Variants in CCDC171 observed in about 807,000 individuals in gnomAD.
CCDC171 encodes the protein coiled-coil domain-containing protein 171.
A neutral mutation model predicts 168.2 loss-of-function variants in CCDC171; 177 were observed. That is an observed-to-expected ratio of 1.05 (90% CI 0.93 to 1.19). The LOEUF is 1.19. Among genes scored for constraint, CCDC171 ranks in the 50% most tolerant of loss-of-function variants. The probability of loss-of-function intolerance (pLI) is 0.00; values close to 1 mark genes in which losing one functional copy is unlikely to be tolerated. For missense variants in CCDC171, 1,991 were observed against 1,539.0 expected (o/e 1.29, Z -4.91); for synonymous variants, 687 against 540.8 (o/e 1.27, Z -3.75).
At chr9:15,635,150 A>G (rs954170742) in intron 7 of CCDC171, among the ~76,000 whole-genome samples, 2 of 152,166 alleles carry the variant, frequency 1.3e-5, no homozygotes, top group Non-Finnish European at 2.9e-5. Flanking sequence ...TTACACTATC[A>G]CAAGTTGAAG....
intron 2 of CCDC171, among the ~76,000 whole-genome samples, chr9:15,564,358 T>C (rs1048630297): frequency 5.3e-5 from 8 of 152,270 alleles, no homozygotes; most frequent in African/African-American, 1.9e-4. Flanking sequence ...CAAAAGTCTG[T>C]GTGTCTGAAC....
chr9:15,971,291 G>T (rs1831334099), intron 25 of CCDC171, among the ~76,000 whole-genome samples: 1 of 152,020 alleles, frequency 6.6e-6, no homozygotes, highest in African/African-American at 2.4e-5. Context: ...ATTGCCAATG[G>T]ACTGAAGTCA....
intron 11 of CCDC171, among the ~76,000 whole-genome samples, chr9:15,710,691 G>GC (rs1261210387): frequency 6.6e-6 from 1 of 152,038 alleles, no homozygotes; most frequent in Non-Finnish European, 1.5e-5. Flanking sequence ...CATCTCCCAG[G>GC]TTCAAGCGAT....
At chr9:15,876,210 A>G (rs1001090490) in intron 24 of CCDC171, 4 of 152,132 alleles carry the variant, frequency 2.6e-5, no homozygotes, top group Non-Finnish European at 5.9e-5. Context: ...CCAGGTTCTA[A>G]TAAAAATATT....
the CCDC171 span, among the ~76,000 whole-genome samples, chr9:16,070,252 C>T: frequency 2.0e-5 from 3 of 152,314 alleles, no homozygotes; most frequent in South Asian, 2.1e-4. Context: ...CACCCCCGGC[C>T]GGACTGGAAT....
chr9:15,837,702 A>G (rs1009590509), intron 21 of CCDC171, among the ~76,000 whole-genome samples: 1 of 152,220 alleles, frequency 6.6e-6, no homozygotes, highest in Non-Finnish European at 1.5e-5. Flanking sequence ...TTGTTTTAAC[A>G]ACTCTGTATT....
At chr9:15,951,505 A>G (rs1211048892) in intron 25 of CCDC171, among the ~76,000 whole-genome samples, 1 of 150,380 alleles carries the variant, frequency 6.6e-6, no homozygotes, top group Non-Finnish European at 1.5e-5. Context: ...TCCTGCCAAC[A>G]CTTGTGATTA....
chr9:15,741,896 C>T (rs892024485), intron 16 of CCDC171, among the ~76,000 whole-genome samples: 1 of 152,138 alleles, frequency 6.6e-6, no homozygotes, highest in Non-Finnish European at 1.5e-5. Context: ...TATTAAGATA[C>T]TGACTTTAGG....
chr9:15,787,319 T>C (rs957487197), intron 21 of CCDC171, among the ~76,000 whole-genome samples: 8 of 152,128 alleles, frequency 5.3e-5, no homozygotes, highest in African/African-American at 1.9e-4. Flanking sequence ...ATCACCAAAA[T>C]TTATTCTTTC....
chr9:16,056,089 C>A (rs112546956), intron 1 of CCDC171, among the ~76,000 whole-genome samples: 1 of 151,968 alleles, frequency 6.6e-6, no homozygotes, highest in Non-Finnish European at 1.5e-5. Context: ...GTAATCTAAA[C>A]GAAACAAAAC....
At chr9:16,095,552 C>A in the CCDC171 span, among the ~76,000 whole-genome samples, 1 of 152,028 alleles carries the variant, frequency 6.6e-6, no homozygotes, top group African/African-American at 2.4e-5. Flanking sequence ...TTCTCTCTCT[C>A]TCTCGCGCAC....
chr9:15,864,873 T>G (rs965395134), intron 23 of CCDC171, among the ~76,000 whole-genome samples: 1 of 152,056 alleles, frequency 6.6e-6, no homozygotes, highest in Non-Finnish European at 1.5e-5. Context: ...TCATGTTTGT[T>G]GTTGGATGAG....
At chr9:15,678,239 G>T (rs1161400941) in intron 9 of CCDC171, among the ~76,000 whole-genome samples, 1 of 151,834 alleles carries the variant, frequency 6.6e-6, no homozygotes, top group Non-Finnish European at 1.5e-5. Flanking sequence ...ATAGGAAGGC[G>T]AATCCTTTGA....
At chr9:15,696,827 C>G (rs970083857) in intron 11 of CCDC171, among the ~76,000 whole-genome samples, 1 of 152,142 alleles carries the variant, frequency 6.6e-6, no homozygotes, top group African/African-American at 2.4e-5. Flanking sequence ...CTTTTATTAA[C>G]CATCCTTTTT....
intron 11 of CCDC171, among the ~76,000 whole-genome samples, chr9:15,711,730 CATATTGA>C (rs2052682422): frequency 6.6e-6 from 1 of 152,146 alleles, no homozygotes; most frequent in Non-Finnish European, 1.5e-5. Context: ...AGTCGAGGAG[CATATTGA>C]ATGTGTATTG....
the CCDC171 span, among the ~76,000 whole-genome samples, chr9:16,103,389 G>A: frequency 6.6e-6 from 1 of 152,080 alleles, no homozygotes. Context: ...TTAACTTTCT[G>A]TGCTTTCCTC....
intron 21 of CCDC171, among the ~76,000 whole-genome samples, chr9:15,785,277 A>C (rs968443339): frequency 2.6e-5 from 4 of 152,168 alleles, no homozygotes; most frequent in Admixed American, 2.6e-4. Flanking sequence ...ATAGAATTCT[A>C]GTTTTTGATT....
intron 18 of CCDC171, among the ~76,000 whole-genome samples, chr9:15,768,065 C>A (rs916000497): frequency 6.7e-6 from 1 of 149,926 alleles, no homozygotes; most frequent in African/African-American, 2.5e-5. Flanking sequence ...CTTGTTGTCC[C>A]GAGCAGTCCC....
intron 24 of CCDC171, chr9:15,875,096 A>G (rs563259334): frequency 1.5e-3 from 223 of 152,334 alleles, no homozygotes; most frequent in Non-Finnish European, 2.6e-3. Flanking sequence ...GAAATATCTC[A>G]ATATTAATTC....
Sources: gnomAD v4.1 joint callset for allele counts (sites outside exome capture counted in the v4.1 genomes callset) on GRCh38, gnomAD v4.1.1 for gene constraint, MANE v1.5 for transcripts, NCBI Gene and HGNC (gene_info 2026-07-23, HGNC 2026-07-21) for gene names.